The following STIM1 variants were observed in gnomAD, a reference collection of about 807,000 sequenced individuals.
STIM1 encodes stromal interaction molecule 1.
STIM1 carries 25 observed loss-of-function variants against 74.7 expected under a neutral mutation model. The ratio of observed to expected loss-of-function variants is 0.33; its 90% CI spans 0.24 to 0.47. The LOEUF (loss-of-function observed/expected upper bound fraction) is 0.47. Among genes scored for constraint, STIM1 ranks in the 20% least tolerant of loss-of-function variants. The pLI, the probability that STIM1 is intolerant of heterozygous loss-of-function variation, is 1.00. For synonymous variants in STIM1, 328 were observed against 348.8 expected (o/e 0.94, Z 0.66); for missense variants, 728 against 920.8 (o/e 0.79, Z 2.71).
intron 1 of STIM1, among the ~76,000 whole-genome samples, chr11:3,878,436 C>T (rs1033259625): frequency 6.6e-6 from 1 of 151,906 alleles, no homozygotes; most frequent in African/African-American, 2.4e-5. Flanking sequence ...TTATCATGTG[C>T]CTGAAAAGCA....
chr11:3,894,907 T>TC (rs1206582095), intron 1 of STIM1, among the ~76,000 whole-genome samples: 1 of 144,674 alleles, frequency 6.9e-6, no homozygotes, highest in Non-Finnish European at 1.5e-5. Context: ...CCTGGCTAAT[T>TC]TTTTTTTTTT....
At chr11:3,855,618 C>G (rs2090333369), upstream of STIM1, 1 of 140,066 alleles carries the variant, frequency 7.1e-6, no homozygotes, top group African/African-American at 2.5e-5. Flanking sequence ...CGGAGACGCA[C>G]GCCCCCGCCC....
At chr11:3,935,901 A>T (rs1240387246) in intron 1 of STIM1, among the ~76,000 whole-genome samples, 1 of 152,214 alleles carries the variant, frequency 6.6e-6, no homozygotes, top group African/African-American at 2.4e-5. Context: ...CATTTATTGA[A>T]TGCTTACTAA....
At chr11:4,067,341 C>T (rs1251279587) in intron 5 of STIM1, among the ~76,000 whole-genome samples, 1 of 152,142 alleles carries the variant, frequency 6.6e-6, no homozygotes, top group Non-Finnish European at 1.5e-5. Flanking sequence ...ATCTTAAGGC[C>T]TGGTTATTTG....
chr11:4,002,755 A>G (rs554550322), intron 2 of STIM1, among the ~76,000 whole-genome samples: 60 of 149,848 alleles, frequency 4.0e-4, no homozygotes, highest in Non-Finnish European at 6.7e-4. Context: ...AACTGAAGGA[A>G]ATAGAGACAC....
intron 1 of STIM1, among the ~76,000 whole-genome samples, chr11:3,919,860 T>C (rs777935177): frequency 2.0e-5 from 3 of 152,138 alleles, no homozygotes; most frequent in Non-Finnish European, 4.4e-5. Context: ...GGAGGATCCC[T>C]TTAGTCCAAG....
At chr11:3,918,003 C>G (rs918909982) in intron 1 of STIM1, among the ~76,000 whole-genome samples, 3 of 152,106 alleles carry the variant, frequency 2.0e-5, no homozygotes, top group East Asian at 3.9e-4. Flanking sequence ...ACAGACTTAA[C>G]CAAGAGAGGG....
chr11:4,054,922 A>T (rs1273270648), intron 3 of STIM1, among the ~76,000 whole-genome samples: 1 of 152,104 alleles, frequency 6.6e-6, no homozygotes, highest in East Asian at 1.9e-4. Flanking sequence ...TCTGTGCCGT[A>T]TGTATTTTTC....
chr11:4,048,417 A>T (rs2094211072), intron 3 of STIM1, among the ~76,000 whole-genome samples: 1 of 152,222 alleles, frequency 6.6e-6, no homozygotes, highest in Non-Finnish European at 1.5e-5. Flanking sequence ...TACTTTAAGT[A>T]AAAATAAACT....
At chr11:4,052,848 G>T (rs941989390) in intron 3 of STIM1, among the ~76,000 whole-genome samples, 1 of 152,248 alleles carries the variant, frequency 6.6e-6, no homozygotes, top group East Asian at 1.9e-4. Context: ...ATCTGACAAA[G>T]GGCTAATATC....
chr11:4,041,342 C>A (rs2094145572), intron 3 of STIM1, among the ~76,000 whole-genome samples: 1 of 152,094 alleles, frequency 6.6e-6, no homozygotes, highest in Non-Finnish European at 1.5e-5. Flanking sequence ...TCACCCTTTA[C>A]CTGCTAGAGT....
intron 2 of STIM1, among the ~76,000 whole-genome samples, chr11:3,984,360 AC>A (rs1305430885): frequency 6.6e-6 from 1 of 151,856 alleles, no homozygotes; most frequent in Non-Finnish European, 1.5e-5. Context: ...GAACATTCTG[AC>A]CCCCTGCTCT....
chr11:3,890,833 G>C (rs1590532041), intron 1 of STIM1, among the ~76,000 whole-genome samples: 2 of 152,166 alleles, frequency 1.3e-5, no homozygotes, highest in East Asian at 3.8e-4. Flanking sequence ...TTGAGCAGTG[G>C]GATAGGACCC....
intron 1 of STIM1, among the ~76,000 whole-genome samples, chr11:3,864,936 T>C (rs2090795041): frequency 1.3e-5 from 2 of 152,240 alleles, no homozygotes; most frequent in African/African-American, 2.4e-5. Flanking sequence ...CTATCCTTTT[T>C]TCCTTCTCCC....
chr11:4,090,306 T>C (rs1328469584), intron 12 of STIM1, among the ~76,000 whole-genome samples: 1 of 152,212 alleles, frequency 6.6e-6, no homozygotes, highest in Non-Finnish European at 1.5e-5. Context: ...ACTTGACTTG[T>C]CCAAGATCAC....
chr11:3,911,382 T>G (rs2092559638), intron 1 of STIM1, among the ~76,000 whole-genome samples: 1 of 152,232 alleles, frequency 6.6e-6, no homozygotes, highest in Admixed American at 6.5e-5. Context: ...TTTTCCATTT[T>G]GCTTGGAATG....
At chr11:3,960,347 G>A (rs1231337227) in intron 1 of STIM1, among the ~76,000 whole-genome samples, 1 of 152,150 alleles carries the variant, frequency 6.6e-6, no homozygotes, top group Non-Finnish European at 1.5e-5. Context: ...TAGAAAACTT[G>A]TATCTGTCAC....
chr11:3,895,901 T>A (rs545905721), intron 1 of STIM1, among the ~76,000 whole-genome samples: 1 of 148,070 alleles, frequency 6.8e-6, no homozygotes, highest in Admixed American at 6.9e-5. Flanking sequence ...TTTCTTTCTT[T>A]CTTTCTTCTT....
At chr11:3,932,122 A>G (rs11030315) in intron 1 of STIM1, among the ~76,000 whole-genome samples, 2 of 152,232 alleles carry the variant, frequency 1.3e-5, no homozygotes, top group East Asian at 3.9e-4. Flanking sequence ...CCACTACTGG[A>G]CCATATCTGT....
Sources: gnomAD v4.1 joint callset for allele counts (sites outside exome capture counted in the v4.1 genomes callset) on GRCh38, gnomAD v4.1.1 for gene constraint, MANE v1.5 for transcripts, NCBI Gene and HGNC (gene_info 2026-07-23, HGNC 2026-07-21) for gene names.